The following SHISA9 variants were observed in gnomAD, a reference collection of about 807,000 sequenced individuals.
SHISA9 encodes shisa family member 9.
In SHISA9, 13 loss-of-function variants were observed where a neutral mutation model predicts 38.0. That is an observed-to-expected ratio of 0.34 (90% CI 0.22 to 0.54). The LOEUF (loss-of-function observed/expected upper bound fraction) is 0.54, where lower values mean the gene tolerates loss of function less well. Among genes scored for constraint, SHISA9 ranks in the 20% least tolerant of loss-of-function variants. The probability of loss-of-function intolerance (pLI) is 0.91; values close to 1 mark genes in which losing one functional copy is unlikely to be tolerated. For missense variants in SHISA9, 538 were observed against 575.8 expected (o/e 0.93, Z 0.67); for synonymous variants, 275 against 242.0 (o/e 1.14, Z -1.27).
chr16:13,263,143 C>G, the SHISA9 span, among the ~76,000 whole-genome samples: 3 of 152,218 alleles, frequency 2.0e-5, no homozygotes, highest in East Asian at 5.8e-4. Flanking sequence ...CCCAACTACA[C>G]TACATTTCTC....
At chr16:12,932,501 C>T (rs527552891) in intron 2 of SHISA9, among the ~76,000 whole-genome samples, 2 of 152,030 alleles carry the variant, frequency 1.3e-5, no homozygotes, top group Non-Finnish European at 2.9e-5. Flanking sequence ...GCCACCATGC[C>T]TCGCTAATTT....
At chr16:13,117,884 T>G (rs989166346) in intron 2 of SHISA9, among the ~76,000 whole-genome samples, 3 of 152,052 alleles carry the variant, frequency 2.0e-5, no homozygotes, top group Admixed American at 6.6e-5. Context: ...GAAATGCCCT[T>G]AAAAAGCTCA....
chr16:13,353,097 G>C, the SHISA9 span, among the ~76,000 whole-genome samples: 2 of 152,168 alleles, frequency 1.3e-5, no homozygotes, highest in African/African-American at 4.8e-5. Flanking sequence ...GGGTGGTATG[G>C]AGAGAGAATG....
chr16:13,522,921 G>T, the SHISA9 span, among the ~76,000 whole-genome samples: 3 of 152,198 alleles, frequency 2.0e-5, no homozygotes, highest in African/African-American at 7.2e-5. Context: ...TATGGACAGA[G>T]AAAGGGCTAA....
chr16:12,902,181 G>A lies in SHISA9; in HGVS notation c.117G>A (p.Leu39=). 6.5e-7 allele frequency: 1 copy of A among 1,530,322 alleles called. No homozygotes were observed. The highest frequency in any genetic ancestry group is 8.7e-7 in the Non-Finnish European group (1 of 1,143,702). 94.8% of individuals were successfully genotyped at this position (1,530,322 alleles called of 1,614,324 possible). A position where few individuals can be genotyped will look rare whatever the true frequency, so the allele number is the denominator to read the frequency against. Reference sequence around the variant, plus strand: ...AGCTGGCGCAACTGGGCGGCGTGTTGCTGCTGGCGGGGGGCAACCGCTCCG... The same window carrying A: ...AGCTGGCGCAACTGGGCGGCGTGTTACTGCTGGCGGGGGGCAACCGCTCCG... The part of the protein sequence containing the change: ...HGQLAQLGGV[L]LLAGGNRSGA... The change falls in exon 1 of 5, where the codon TTG becomes TTA. Residue 39 remains leucine, a synonymous_variant. Coordinates refer to ENST00000558583, the MANE Select transcript of SHISA9 (RefSeq NM_001145204.3).
the SHISA9 span, among the ~76,000 whole-genome samples, chr16:13,427,975 T>C: frequency 6.6e-6 from 1 of 152,154 alleles, no homozygotes; most frequent in Non-Finnish European, 1.5e-5. Context: ...CAGAAGTGTA[T>C]ATGAGGTTTA....
At chr16:12,927,160 A>G (rs937142375) in intron 2 of SHISA9, among the ~76,000 whole-genome samples, 4 of 152,230 alleles carry the variant, frequency 2.6e-5, no homozygotes, top group Non-Finnish European at 2.9e-5. Context: ...AAAATAATTT[A>G]TAATAAGGTT....
chr16:12,985,293 G>C (rs1324353969), intron 2 of SHISA9, among the ~76,000 whole-genome samples: 1 of 152,116 alleles, frequency 6.6e-6, no homozygotes, highest in East Asian at 1.9e-4. Context: ...TGTTGGATGG[G>C]AGAGGGTGTT....
At chr16:13,190,419 T>C (rs1235442466) in intron 2 of SHISA9, among the ~76,000 whole-genome samples, 1 of 152,156 alleles carries the variant, frequency 6.6e-6, no homozygotes, top group East Asian at 1.9e-4. Context: ...CTGATAACAA[T>C]ACATTGTGGT....
chr16:13,315,503 C>T, the SHISA9 span, among the ~76,000 whole-genome samples: 2 of 152,156 alleles, frequency 1.3e-5, no homozygotes, highest in African/African-American at 4.8e-5. Flanking sequence ...AGGGATTTCT[C>T]TCAGGTTGGG....
At chr16:13,347,738 C>T in the SHISA9 span, among the ~76,000 whole-genome samples, 1 of 152,146 alleles carries the variant, frequency 6.6e-6, no homozygotes, top group Non-Finnish European at 1.5e-5. Context: ...CTTCATTCTC[C>T]TGCAGAATTT....
At chr16:13,287,341 A>T in the SHISA9 span, among the ~76,000 whole-genome samples, 12 of 152,272 alleles carry the variant, frequency 7.9e-5, no homozygotes, top group East Asian at 2.3e-3. Flanking sequence ...ATAAGTTCAT[A>T]TGTCGCTTAT....
rs1021654261 is a variant in SHISA9, at chr16:12,907,877, T to C, written c.563+5250T>C. 2.0e-5 allele frequency among the ~76,000 whole-genome samples: 3 copies of C among 152,196 alleles called. No individual in the cohort carries two copies. The South Asian group carries it at 6.2e-4, about 31-fold the overall frequency. The stretch of plus-strand genomic sequence containing the variant: ...GATGACTGCCCCCTTCAGGAAGCTC[T>C]TGGGTTCATCTCAGTCACCACCTCC... On this transcript the variant is annotated intron_variant, in intron 1 of 4. Transcript: ENST00000558583.
At chr16:13,049,544 G>A (rs2073226955) in intron 2 of SHISA9, among the ~76,000 whole-genome samples, 2 of 152,168 alleles carry the variant, frequency 1.3e-5, no homozygotes, top group South Asian at 4.1e-4. Context: ...ATTGCTGATA[G>A]TGGTGATGGA....
chr16:13,338,696 T>C, the SHISA9 span, among the ~76,000 whole-genome samples: 12 of 152,294 alleles, frequency 7.9e-5, no homozygotes, highest in Non-Finnish European at 1.5e-4. Flanking sequence ...AGGCCCATGT[T>C]TTCTGGAGTT....
chr16:13,521,101 A>G, the SHISA9 span, among the ~76,000 whole-genome samples: 4 of 152,176 alleles, frequency 2.6e-5, no homozygotes, highest in Admixed American at 6.5e-5. Flanking sequence ...CTGATGTCTC[A>G]TCAGTGAAGA....
At chr16:13,213,706 C>T (rs914752258) in intron 4 of SHISA9, among the ~76,000 whole-genome samples, 4 of 152,114 alleles carry the variant, frequency 2.6e-5, no homozygotes, top group African/African-American at 9.7e-5. Context: ...AGTTATTGGC[C>T]AAGGGTCTTG....
intron 1 of SHISA9, among the ~76,000 whole-genome samples, chr16:12,915,150 C>T (rs1292343973): frequency 1.3e-5 from 2 of 152,156 alleles, no homozygotes; most frequent in Non-Finnish European, 2.9e-5. Context: ...CTCTGTGGTA[C>T]AGAGGAGGCC....
At chr16:13,225,883 C>T (rs757917512) in intron 4 of SHISA9, among the ~76,000 whole-genome samples, 30 of 152,160 alleles carry the variant, frequency 2.0e-4, no homozygotes, top group Non-Finnish European at 1.8e-4. Flanking sequence ...CAATTAGGGT[C>T]ATTAGAAGGA....
Sources: allele counts gnomAD v4.1 joint callset (sites outside exome capture counted in the v4.1 genomes callset), GRCh38; gene constraint gnomAD v4.1.1; transcripts MANE v1.5; gene names NCBI Gene and HGNC (gene_info 2026-07-23, HGNC 2026-07-21).